The following H3C6 variants were observed in gnomAD, a reference collection of about 807,000 sequenced individuals.
H3C6 encodes the protein H3 clustered histone 6.
In H3C6, 17 loss-of-function variants were observed where a neutral mutation model predicts 8.0. That is an observed-to-expected ratio of 2.13 (90% CI 1.46 to 3.19). The LOEUF (loss-of-function observed/expected upper bound fraction) is 3.19, where lower values mean the gene tolerates loss of function less well. H3C6 is among the 30% of genes most tolerant of loss of function. The probability of loss-of-function intolerance (pLI) is 0.00; values close to 1 mark genes in which losing one functional copy is unlikely to be tolerated. For synonymous variants in H3C6, 169 were observed against 78.0 expected (o/e 2.17, Z -6.15); for missense variants, 298 against 193.8 (o/e 1.54, Z -3.19).
rs775491644 is a variant in H3C6 at position 26,225,431 on chromosome 6, C to G, written c.277C>G (p.Leu93Val). Residue 93 changes from leucine to valine, a missense_variant, in exon 1 of 1, where the codon CTG becomes GTG. Coordinates refer to ENST00000614911, the MANE Select transcript of H3C6 (RefSeq NM_003532.3). Reference protein sequence around the residue: ...LRFQSSAVMALQEACEAYLVG... With the variant: ...LRFQSSAVMAVQEACEAYLVG... ...CTTCCAGAGTTCCGCGGTGATGGCG[C>G]TGCAGGAGGCCTGCGAGGCCTACTT... 5.0e-6 allele frequency: 8 copies of G among 1,614,254 alleles called. No homozygotes were observed. Among genetic ancestry groups the G allele is most frequent in the Non-Finnish European group, 6.8e-6 (8 of 1,180,036 alleles).
At position 26,225,282 on chromosome 6, in the gene H3C6, G is replaced by T; in HGVS notation, c.128G>T (p.Arg43Leu). 1 of 1,614,128 alleles carries T rather than the reference G, an allele frequency of 6.2e-7. No individual in the cohort carries two copies. The highest frequency in any genetic ancestry group is 8.5e-7 in the Non-Finnish European group (1 of 1,179,992). ...TGGVKKPHRY[R>L]PGTVALREIR... ...GGCGTGAAGAAGCCCCATCGCTACC[G>T]CCCTGGCACCGTGGCTCTGCGCGAG... Residue 43 changes from arginine to leucine, a missense_variant, in exon 1 of 1, where the codon CGC becomes CTC. By Grantham distance (102) the Arg-to-Leu change is moderately radical. Transcript: ENST00000614911.
downstream of H3C6, chr6:26,227,247 T>A (rs940620455): frequency 6.6e-6 from 1 of 152,228 alleles, no homozygotes; most frequent in Non-Finnish European, 1.5e-5. Context: ...GAATGTTGTT[T>A]CCTGTATCCT....
At chr6:26,225,634 G>A, downstream of H3C6, 1 of 1,530,850 alleles carries the variant, frequency 6.5e-7, no homozygotes, top group Non-Finnish European at 8.8e-7. Context: ...CGTGAAAAGG[G>A]CTGTAATCCT....
chr6:26,225,141 T>G lies in H3C6; in HGVS notation c.-14T>G. The G allele has an allele frequency of 6.5e-7, 1 of 1,533,164 alleles. No individual in the cohort carries two copies. The highest frequency in any genetic ancestry group is 8.8e-7 in the Non-Finnish European group (1 of 1,142,730). 95.0% of individuals were successfully genotyped at this position (1,533,164 alleles called of 1,614,324 possible). A position where few individuals can be genotyped will look rare whatever the true frequency, so the allele number is the denominator to read the frequency against. ...AAACCAATCTTCCTAACTCATTTAC[T>G]TTGCAGATGAACTATGGCGCGTACT... On this transcript the variant is annotated 5_prime_UTR_variant, in exon 1 of 1. Transcript: ENST00000614911.
chr6:26,225,509 A>ACCATCATGCCTAAAGACAT lies in H3C6; in HGVS notation c.359_377dup (p.Gln126HisfsTer4). The ACCATCATGCCTAAAGACAT allele has an allele frequency of 6.2e-7, 1 of 1,614,202 alleles. No individual in the cohort carries two copies. Among genetic ancestry groups the ACCATCATGCCTAAAGACAT allele is most frequent in the Non-Finnish European group, 8.5e-7 (1 of 1,180,022 alleles). ...GTGCGCTATTCATGCCAAACGCGTG[A>ACCATCATGCCTAAAGACAT]CCATCATGCCTAAAGACATCCAGCT... On this transcript the variant is annotated frameshift_variant, in exon 1 of 1. Coordinates refer to ENST00000614911, the MANE Select transcript of H3C6 (RefSeq NM_003532.3). LOFTEE classifies it high-confidence loss of function.
At chr6:26,227,314 A>T (rs1759596545), downstream of H3C6, 1 of 152,204 alleles carries the variant, frequency 6.6e-6, no homozygotes, top group Non-Finnish European at 1.5e-5. Flanking sequence ...TCTTACAGCT[A>T]CTGGAATTCA....
At position 26,225,235 on chromosome 6, in the gene H3C6, C is replaced by T. The variant is rs1283030603; in HGVS notation, c.81C>T (p.Arg27=). The change falls in exon 1 of 1, where the codon CGC becomes CGT. Residue 27 remains arginine, a synonymous_variant. Transcript: ENST00000614911. ...AACAGCTGGCCACTAAGGCAGCTCG[C>T]AAGAGCGCTCCGGCCACGGGCGGCG... ...PRKQLATKAA[R]KSAPATGGVK... 1.2e-6 allele frequency: 2 copies of T among 1,612,344 alleles called. No individual in the cohort carries two copies. Among genetic ancestry groups the T allele is most frequent in the African/African-American group, 1.3e-5 (1 of 74,900 alleles).
chr6:26,226,821 G>C (rs1759584586), downstream of H3C6: 1 of 152,190 alleles, frequency 6.6e-6, no homozygotes, highest in Admixed American at 6.5e-5. Flanking sequence ...TGTACTATAT[G>C]GGATACTGCA....
rs375842011 is a variant in H3C6, at chr6:26,225,332, G to A, written c.178G>A (p.Glu60Lys). 6.2e-6 allele frequency: 10 copies of A among 1,614,200 alleles called. No homozygotes were observed. Among genetic ancestry groups the A allele is most frequent in the Non-Finnish European group, 8.5e-6 (10 of 1,180,000 alleles). ...GATCCGTCGCTACCAGAAGTCTACC[G>A]AGCTTCTAATCCGGAAGCTGCCGTT... The part of the protein sequence containing the change: ...REIRRYQKST[E>K]LLIRKLPFQR... The change falls in exon 1 of 1, where the codon GAG (glutamate) becomes AAG (lysine). Residue 60 changes from glutamate to lysine, a missense_variant. By Grantham distance (56) the Glu-to-Lys change is moderately conservative. Transcript: ENST00000614911.
rs764871937 is a variant in H3C6 at position 26,225,455 on chromosome 6, TTGG to T, written c.305_307del (p.Val102del). On this transcript the variant is annotated inframe_deletion, in exon 1 of 1. Coordinates refer to ENST00000614911, the MANE Select transcript of H3C6 (RefSeq NM_003532.3). ...GCTGCAGGAGGCCTGCGAGGCCTAC[TTGG>T]TGGGGCTTTTCGAGGACACCAACCT... is the stretch of plus-strand genomic sequence containing the variant. 7.4e-6 allele frequency: 12 copies of T among 1,614,144 alleles called. No individual in the cohort carries two copies. The highest frequency in any genetic ancestry group is 2.2e-5 in the East Asian group (1 of 44,902).
upstream of H3C6, chr6:26,225,114 G>A (rs1765597758): frequency 1.3e-6 from 2 of 1,521,030 alleles, no homozygotes; most frequent in Admixed American, 2.2e-5. Flanking sequence ...ATATAGAGGG[G>A]CAAACCAATC....
Position 26,225,390 on chromosome 6 carries a change from TC to T in H3C6, c.237del (p.Phe79LeufsTer12). 5 of 1,614,224 alleles carry T rather than the reference TC, an allele frequency of 3.1e-6. No individual in the cohort carries two copies. The highest frequency in any genetic ancestry group is 4.2e-6 in the Non-Finnish European group (5 of 1,180,036). On this transcript the variant is annotated frameshift_variant, in exon 1 of 1. Coordinates refer to ENST00000614911, the MANE Select transcript of H3C6 (RefSeq NM_003532.3). LOFTEE classifies it high-confidence loss of function. ...QRLVREIAQD[F>X]KTDLRFQSSA... Reference sequence around the variant, plus strand: ...CTGGTGCGAGAAATAGCTCAGGACTTCAAGACCGACCTGCGCTTCCAGAGTT... The same window carrying T: ...CTGGTGCGAGAAATAGCTCAGGACTTAAGACCGACCTGCGCTTCCAGAGTT...
upstream of H3C6, chr6:26,224,864 G>A (rs1319378108): frequency 8.5e-6 from 2 of 234,044 alleles, no homozygotes; most frequent in African/African-American, 4.5e-5. Flanking sequence ...CAGGATAACA[G>A]ATCAGTCTAT....
At chr6:26,225,904 T>A (rs2113568365), downstream of H3C6, 1 of 196,410 alleles carries the variant, frequency 5.1e-6, no homozygotes, top group South Asian at 1.1e-4. Context: ...TAACCCATCC[T>A]CTTGTTTTCT....
At chr6:26,225,902 C>T (rs1332871162), downstream of H3C6, 2 of 198,008 alleles carry the variant, frequency 1.0e-5, no homozygotes, top group African/African-American at 4.7e-5. Flanking sequence ...CTTAACCCAT[C>T]CTCTTGTTTT....
upstream of H3C6, among the ~76,000 whole-genome samples, chr6:26,224,523 C>T (rs942402703): frequency 6.6e-6 from 1 of 152,160 alleles, no homozygotes; most frequent in Non-Finnish European, 1.5e-5. Context: ...TTAATTTCAA[C>T]AAAACGAAAT....
rs1242586237 is a variant in H3C6, at chr6:26,225,189, C to A, written c.35C>A (p.Thr12Lys). Residue 12 changes from threonine to lysine, a missense_variant, in exon 1 of 1, where the codon ACA becomes AAA. Transcript: ENST00000614911. Reference protein sequence around the residue: ...ARTKQTARKSTGGKAPRKQLA... With the variant: ...ARTKQTARKSKGGKAPRKQLA... ...ACTAAGCAGACGGCTCGTAAATCCA[C>A]AGGCGGTAAAGCACCGCGCAAACAG... 1 of 1,584,600 alleles carries A rather than the reference C, an allele frequency of 6.3e-7. No homozygotes were observed. The highest frequency in any genetic ancestry group is 8.6e-7 in the Non-Finnish European group (1 of 1,167,134).
In H3C6 at chr6:26,225,498, C is replaced by G; in HGVS notation, c.344C>G (p.Ala115Gly). The G allele has an allele frequency of 6.2e-7, 1 of 1,614,232 alleles. No homozygotes were observed. The highest frequency in any genetic ancestry group is 8.5e-7 in the Non-Finnish European group (1 of 1,180,034). Reference protein sequence around the residue: ...FEDTNLCAIHAKRVTIMPKDI... With the variant: ...FEDTNLCAIHGKRVTIMPKDI... The stretch of plus-strand genomic sequence containing the variant: ...GACACCAACCTGTGCGCTATTCATG[C>G]CAAACGCGTGACCATCATGCCTAAA... Residue 115 changes from alanine (A) to glycine (G), a missense_variant, in exon 1 of 1, where the codon GCC (alanine) becomes GGC (glycine). Coordinates refer to ENST00000614911, the MANE Select transcript of H3C6 (RefSeq NM_003532.3).
chr6:26,225,652 G>A (rs1759529198), downstream of H3C6: 1 of 1,438,890 alleles, frequency 6.9e-7, no homozygotes. Flanking sequence ...CCTTTGAGAC[G>A]CATTAGACCA....
Sources: allele counts gnomAD v4.1 joint callset (sites outside exome capture counted in the v4.1 genomes callset), GRCh38; gene constraint gnomAD v4.1.1; transcripts MANE v1.5; gene names NCBI Gene and HGNC (gene_info 2026-07-23, HGNC 2026-07-21).